The following PTPRD variants were observed in gnomAD, a reference collection of about 807,000 sequenced individuals.
PTPRD encodes the protein protein tyrosine phosphatase receptor type D, also known as receptor-type tyrosine-protein phosphatase delta.
A neutral mutation model predicts 214.5 loss-of-function variants in PTPRD; 34 were observed. The ratio of observed to expected loss-of-function variants is 0.16; its 90% CI spans 0.12 to 0.21. The LOEUF (loss-of-function observed/expected upper bound fraction) is 0.21, where lower values mean the gene tolerates loss of function less well. PTPRD is among the 10% of genes least tolerant of loss of function. The pLI, the probability that PTPRD is intolerant of heterozygous loss-of-function variation, is 1.00. For synonymous variants in PTPRD, 1,128 were observed against 845.7 expected (o/e 1.33, Z -5.79); for missense variants, 2,545 against 2,398.7 (o/e 1.06, Z -1.27).
At chr9:9,021,769 G>A (rs1292294370) in intron 10 of PTPRD, among the ~76,000 whole-genome samples, 1 of 151,868 alleles carries the variant, frequency 6.6e-6, no homozygotes, top group Non-Finnish European at 1.5e-5. Context: ...AAAGTTTTAA[G>A]TACACAAAAA....
chr9:8,976,387 C>G (rs1333980864), intron 11 of PTPRD, among the ~76,000 whole-genome samples: 1 of 152,034 alleles, frequency 6.6e-6, no homozygotes, highest in Admixed American at 6.6e-5. Flanking sequence ...CTATCAAACA[C>G]TAGGCTTCAT....
At chr9:9,349,237 T>C (rs551910943) in intron 9 of PTPRD, among the ~76,000 whole-genome samples, 15 of 152,204 alleles carry the variant, frequency 9.9e-5, no homozygotes, top group African/African-American at 2.9e-4. Flanking sequence ...CTCCTTAACA[T>C]AGAATGGCAA....
At chr9:9,363,681 C>G (rs937655415) in intron 9 of PTPRD, among the ~76,000 whole-genome samples, 3 of 151,166 alleles carry the variant, frequency 2.0e-5, no homozygotes, top group African/African-American at 4.8e-5. Context: ...GCCTGAAGCT[C>G]AAATATTCAG....
At chr9:10,198,805 A>C (rs2099408045) in intron 3 of PTPRD, among the ~76,000 whole-genome samples, 2 of 152,100 alleles carry the variant, frequency 1.3e-5, no homozygotes, top group Non-Finnish European at 2.9e-5. Flanking sequence ...TTTCTTTACA[A>C]AATTGGCTTA....
chr9:9,021,869 A>G (rs1162045993), intron 10 of PTPRD, among the ~76,000 whole-genome samples: 2 of 152,142 alleles, frequency 1.3e-5, no homozygotes, highest in African/African-American at 4.8e-5. Context: ...GTGTTATTAC[A>G]AAAGAGTCAA....
At chr9:8,973,248 A>AT (rs910802864) in intron 11 of PTPRD, among the ~76,000 whole-genome samples, 4 of 151,588 alleles carry the variant, frequency 2.6e-5, no homozygotes, top group Admixed American at 6.6e-5. Context: ...TGCCAAGTCT[A>AT]TTTTTTTCCA....
intron 8 of PTPRD, among the ~76,000 whole-genome samples, chr9:9,486,092 G>C (rs1284968979): frequency 7.3e-6 from 1 of 137,318 alleles, no homozygotes; most frequent in Non-Finnish European, 1.5e-5. Flanking sequence ...TGGATGTTGT[G>C]GTGAGTCGAG....
chr9:10,517,504 T>C (rs1408925795), intron 2 of PTPRD, among the ~76,000 whole-genome samples: 1 of 152,054 alleles, frequency 6.6e-6, no homozygotes, highest in African/African-American at 2.4e-5. Context: ...GATCATGTCA[T>C]TTGCATTTTT....
At chr9:10,024,584 G>A (rs1284933437) in intron 4 of PTPRD, among the ~76,000 whole-genome samples, 2 of 151,782 alleles carry the variant, frequency 1.3e-5, no homozygotes, top group African/African-American at 4.8e-5. Context: ...TTCCAATTTT[G>A]TCCAAATCCT....
intron 6 of PTPRD, among the ~76,000 whole-genome samples, chr9:9,755,261 T>C (rs1302690241): frequency 1.3e-5 from 2 of 151,974 alleles, no homozygotes. Context: ...TGATAAATGA[T>C]CATCTCCCTT....
rs1309075942 is a variant in PTPRD, at chr9:8,497,285, A to C, written c.2323-17T>G. On this transcript the variant is annotated splice_polypyrimidine_tract_variant and intron_variant, in intron 25 of 45. Transcript: ENST00000381196. The stretch of plus-strand genomic sequence containing the variant: ...AAATTCCCACTGATTGAGAATAAGA[A>C]GGTTGGGAGGAAAACAAAATAAAAA... 5 of 1,588,786 alleles carry C rather than the reference A, an allele frequency of 3.1e-6. No homozygotes were observed. The highest frequency in any genetic ancestry group is 4.3e-6 in the Non-Finnish European group (5 of 1,169,714).
At chr9:9,657,580 C>A (rs2096544143) in intron 7 of PTPRD, among the ~76,000 whole-genome samples, 1 of 151,846 alleles carries the variant, frequency 6.6e-6, no homozygotes, top group Admixed American at 6.6e-5. Context: ...TGCATATGTA[C>A]CCCAGAACTT....
At chr9:8,867,028 G>C (rs963557736) in intron 11 of PTPRD, among the ~76,000 whole-genome samples, 4 of 152,118 alleles carry the variant, frequency 2.6e-5, no homozygotes, top group South Asian at 2.1e-4. Context: ...ATATTGAAAG[G>C]CCTCTTTATT....
At chr9:8,566,759 T>C (rs2089405062) in intron 14 of PTPRD, among the ~76,000 whole-genome samples, 1 of 152,208 alleles carries the variant, frequency 6.6e-6, no homozygotes, top group African/African-American at 2.4e-5. Flanking sequence ...AAACTATACA[T>C]TTTAAGATAA....
chr9:10,446,833 T>C (rs555467544), intron 2 of PTPRD, among the ~76,000 whole-genome samples: 3 of 152,242 alleles, frequency 2.0e-5, no homozygotes, highest in African/African-American at 7.2e-5. Context: ...TGAAAAGAAA[T>C]GCAAAAAGGT....
chr9:8,453,406 C>T (rs1005594809), intron 33 of PTPRD, among the ~76,000 whole-genome samples: 21 of 152,264 alleles, frequency 1.4e-4, no homozygotes, highest in South Asian at 2.1e-4. Flanking sequence ...CCTTGTGATC[C>T]ACCCGCCTCA....
At chr9:8,340,174 A>T (rs1016498106) in intron 42 of PTPRD, among the ~76,000 whole-genome samples, 169 bp downstream of exon 42, 3 of 152,192 alleles carry the variant, frequency 2.0e-5, no homozygotes, top group African/African-American at 4.8e-5. Context: ...TAAACACTTG[A>T]TGTGGCTTTA....
chr9:9,675,299 T>C (rs976049481), intron 7 of PTPRD, among the ~76,000 whole-genome samples: 8 of 151,866 alleles, frequency 5.3e-5, no homozygotes, highest in Non-Finnish European at 8.8e-5. Flanking sequence ...TTCAGAGTAA[T>C]ATATATTCTT....
chr9:10,023,995 T>C (rs2096873658), intron 4 of PTPRD, among the ~76,000 whole-genome samples: 1 of 152,116 alleles, frequency 6.6e-6, no homozygotes, highest in African/African-American at 2.4e-5. Context: ...TTAAATTAAA[T>C]AGCTTATTAT....
Sources: allele counts gnomAD v4.1 joint callset (sites outside exome capture counted in the v4.1 genomes callset), GRCh38; gene constraint gnomAD v4.1.1; transcripts MANE v1.5; gene names NCBI Gene and HGNC (gene_info 2026-07-23, HGNC 2026-07-21).